ALMS1: variants seen among roughly 807,000 people sequenced by gnomAD.
ALMS1 encodes centrosome-associated protein ALMS1.
Under a neutral mutation model 352.2 loss-of-function variants are expected in ALMS1, and 271 were observed. The observed-to-expected ratio is 0.77, with a 90% CI of 0.70 to 0.85. The LOEUF (loss-of-function observed/expected upper bound fraction) is 0.85. ALMS1 is among the 40% of genes least tolerant of loss of function. The pLI is 0.00. For synonymous variants in ALMS1, 1,865 were observed against 1,761.2 expected (o/e 1.06, Z -1.48); for missense variants, 5,445 against 4,870.7 (o/e 1.12, Z -3.51).
chr2:73,474,095 C>T (rs1672528010), intron 9 of ALMS1, among the ~76,000 whole-genome samples: 1 of 151,950 alleles, frequency 6.6e-6, no homozygotes. Flanking sequence ...GATGTTGGTT[C>T]TATTAGTAGA....
At position 73,541,243 on chromosome 2, in the gene ALMS1, G is replaced by A. The variant is rs556871165; in HGVS notation, c.9907+6294G>A. Among the ~76,000 whole-genome samples, 15 of 152,324 alleles carry A rather than the reference G, an allele frequency of 9.8e-5. No individual in the cohort carries two copies. In the East Asian group the frequency reaches 2.9e-3, roughly 29 times the overall value. ...TCACTCAGAACCGCTCGACTACATG[G>A]AAACTGAACAACCTGCCCCTGAATG... is the stretch of plus-strand genomic sequence containing the variant. On this transcript the variant is annotated intron_variant, in intron 12 of 22. Transcript: ENST00000613296.
intron 9 of ALMS1, among the ~76,000 whole-genome samples, chr2:73,460,667 G>T (rs2091504): frequency 0.51 from 77,278 of 152,040 alleles, 22,602 homozygotes; most frequent in East Asian, 0.77. Context: ...AGTGCAAGGG[G>T]TCAGGGAGTT....
At chr2:73,514,020 G>A (rs559726044) in intron 10 of ALMS1, among the ~76,000 whole-genome samples, 1 of 152,260 alleles carries the variant, frequency 6.6e-6, no homozygotes, top group Non-Finnish European at 1.5e-5. Context: ...TAGAAACACA[G>A]GAGAGGGGAA....
At chr2:73,535,389 A>AACC (rs1383358870) in intron 12 of ALMS1, among the ~76,000 whole-genome samples, 1 of 152,172 alleles carries the variant, frequency 6.6e-6, no homozygotes, top group Non-Finnish European at 1.5e-5. Context: ...TTTTGAAAAA[A>AACC]AAATTTGTTC....
Position 73,572,321 on chromosome 2 carries a change from T to G in ALMS1, c.10444T>G (p.Phe3482Val), listed in dbSNP as rs1201844672. 2 of 1,605,294 alleles carry G rather than the reference T, an allele frequency of 1.2e-6. No homozygotes were observed. The highest frequency in any genetic ancestry group is 1.1e-5 in the South Asian group (1 of 89,098). ...TTRSVFRSAK[F>V]YIHHPVHLPS... ...CCGTTCTGTCTTCAGGTCAGCAAAG[T>G]TTTACATTCATCATCCCGTACACCT... The change falls in exon 16 of 23, where the codon TTT becomes GTT. Residue 3482 changes from phenylalanine to valine, a missense_variant. Coordinates refer to ENST00000613296, the MANE Select transcript of ALMS1 (RefSeq NM_001378454.1).
chr2:73,605,146 C>G (rs982128747), intron 21 of ALMS1, among the ~76,000 whole-genome samples: 1 of 152,158 alleles, frequency 6.6e-6, no homozygotes, highest in African/African-American at 2.4e-5. Flanking sequence ...CAGACATTTT[C>G]TTGAAAATGA....
chr2:73,452,156 G>A lies in ALMS1; in HGVS notation c.5629G>A (p.Gly1877Arg), dbSNP rs1008875686. Residue 1877 changes from glycine to arginine, a missense_variant, in exon 8 of 23, where the codon GGG becomes AGG. By Grantham distance (125) the Gly-to-Arg change is moderately radical (BLOSUM62 -2). Coordinates refer to ENST00000613296, the MANE Select transcript of ALMS1 (RefSeq NM_001378454.1). ...TACTGAAGTAACTTTGAAAGCAATA[G>A]GGGTTCCTGGGCCTGCTGACCAGAA... ...DLTEVTLKAI[G>R]VPGPADQKTG... 1 of 1,608,626 alleles carries A rather than the reference G, an allele frequency of 6.2e-7. No homozygotes were observed. The highest frequency in any genetic ancestry group is 8.5e-7 in the Non-Finnish European group (1 of 1,176,660).
Position 73,417,616 on chromosome 2 carries a change from G to T in ALMS1, c.451-1507G>T, listed in dbSNP as rs529053444. Among the ~76,000 whole-genome samples the T allele has an allele frequency of 1.8e-4, 28 of 151,964 alleles. 1 individual carries two copies. In the South Asian group the frequency reaches 5.8e-3, roughly 32 times the overall value. On this transcript the variant is annotated intron_variant, in intron 2 of 22. Transcript: ENST00000613296. Reference sequence around the variant, plus strand: ...GGAGGCTGAGGTGGGAGGATTAAGCGCTTTAGCCCAGAGTTTGAGTCCATC... The same window carrying T: ...GGAGGCTGAGGTGGGAGGATTAAGCTCTTTAGCCCAGAGTTTGAGTCCATC...
At chr2:73,460,803 G>A (rs1056546895) in intron 9 of ALMS1, among the ~76,000 whole-genome samples, 5 of 152,228 alleles carry the variant, frequency 3.3e-5, no homozygotes, top group Admixed American at 2.0e-4. Flanking sequence ...CCCGCACATG[G>A]CTCGGAGGGT....
chr2:73,475,270 C>T (rs2140194), intron 9 of ALMS1, among the ~76,000 whole-genome samples: 12,079 of 152,112 alleles, frequency 0.079, 1,210 homozygotes, highest in African/African-American at 0.23. Context: ...CTGGGACATA[C>T]AGTAACTCCA....
In ALMS1 at chr2:73,559,147, T is replaced by C. The variant is rs758235228; in HGVS notation, c.10384+5T>C. ...CCCTACAGATCAATATTGAAGGTAA[T>C]GGGATTGGGTTGTGTATGAGTGTGT... is the stretch of plus-strand genomic sequence containing the variant. On this transcript the variant is annotated splice_donor_5th_base_variant and intron_variant, in intron 15 of 22. Coordinates refer to ENST00000613296, the MANE Select transcript of ALMS1 (RefSeq NM_001378454.1). 2.5e-6 allele frequency: 4 copies of C among 1,612,294 alleles called. No homozygotes were observed. Among genetic ancestry groups the C allele is most frequent in the Non-Finnish European group, 3.4e-6 (4 of 1,179,054 alleles).
chr2:73,414,263 AG>A (rs1384383437), intron 2 of ALMS1, among the ~76,000 whole-genome samples: 7 of 152,182 alleles, frequency 4.6e-5, no homozygotes, highest in African/African-American at 1.7e-4. Context: ...TGGTATTTTT[AG>A]AAATTTCTAT....
intron 9 of ALMS1, among the ~76,000 whole-genome samples, chr2:73,479,217 T>G (rs1672645136): frequency 6.6e-6 from 1 of 152,206 alleles, no homozygotes; most frequent in Admixed American, 6.5e-5. Context: ...AGATATCACA[T>G]ATACCCTTCA....
chr2:73,395,073 TA>T (rs1256710434), intron 1 of ALMS1, among the ~76,000 whole-genome samples: 3,522 of 110,768 alleles, frequency 0.032, 355 homozygotes, highest in African/African-American at 0.088. Context: ...TATATATATA[TA>T]TATATTTTTT....
chr2:73,569,193 T>A (rs1674869877), intron 15 of ALMS1, among the ~76,000 whole-genome samples: 1 of 151,938 alleles, frequency 6.6e-6, no homozygotes, highest in Non-Finnish European at 1.5e-5. Flanking sequence ...TTTTGTATTT[T>A]TAGTAGAGAT....
At chr2:73,535,541 G>A (rs1265430185) in intron 12 of ALMS1, among the ~76,000 whole-genome samples, 1 of 152,102 alleles carries the variant, frequency 6.6e-6, no homozygotes, top group Non-Finnish European at 1.5e-5. Flanking sequence ...TTTTGCCAAG[G>A]CACAACAGCA....
chr2:73,529,848 C>T (rs923595921), intron 11 of ALMS1, among the ~76,000 whole-genome samples: 3 of 152,088 alleles, frequency 2.0e-5, no homozygotes, highest in Non-Finnish European at 2.9e-5. Flanking sequence ...AAGCAAGGCA[C>T]GTCTTACATG....
chr2:73,551,869 G>T (rs1038200164), intron 13 of ALMS1, among the ~76,000 whole-genome samples: 4 of 152,122 alleles, frequency 2.6e-5, no homozygotes, highest in Non-Finnish European at 4.4e-5. Context: ...GCCTGTGTTT[G>T]TTACATTTAT....
At chr2:73,525,215 G>A (rs751684238) in intron 11 of ALMS1, among the ~76,000 whole-genome samples, 3 of 152,088 alleles carry the variant, frequency 2.0e-5, no homozygotes, top group Admixed American at 1.3e-4. Flanking sequence ...TGGCTATGGC[G>A]AACAGTGTTG....
Sources: allele counts gnomAD v4.1 joint callset (sites outside exome capture counted in the v4.1 genomes callset), GRCh38; gene constraint gnomAD v4.1.1; transcripts MANE v1.5; gene names NCBI Gene and HGNC (gene_info 2026-07-23, HGNC 2026-07-21).